Variants in ECT2 observed in about 807,000 individuals in gnomAD.
ECT2 encodes the protein epithelial cell transforming 2.
In ECT2, 61 loss-of-function variants were observed where a neutral mutation model predicts 116.9. That is an observed-to-expected ratio of 0.52 (90% CI 0.42 to 0.65). The LOEUF is 0.65. Among genes scored for constraint, ECT2 ranks in the 30% least tolerant of loss-of-function variants. The pLI, the probability that ECT2 is intolerant of heterozygous loss-of-function variation, is 0.00. For missense variants in ECT2, 937 were observed against 1,078.7 expected, an observed-to-expected ratio of 0.87 and a Z score of 1.84; for synonymous variants, 358 against 346.4, an observed-to-expected ratio of 1.03 and a Z score of -0.37.
chr3:172,773,293 T>G (rs1720995454), intron 13 of ECT2, among the ~76,000 whole-genome samples: 1 of 152,174 alleles, frequency 6.6e-6, no homozygotes, highest in African/African-American at 2.4e-5. Flanking sequence ...TTACATTATA[T>G]TTTCCATTTG....
At position 172,818,848 on chromosome 3, in the gene ECT2, C is replaced by CG. The variant is rs990063317; in HGVS notation, c.2656-1297dup. 6.7e-4 allele frequency: 733 copies of CG among 1,098,062 alleles called. 1 individual carries two copies. The highest frequency in any genetic ancestry group is 7.8e-4 in the Non-Finnish European group (700 of 892,068). The allele number at this position is 1,098,062 out of a possible 1,614,324, so 68.0% of individuals were successfully genotyped here. A position where few individuals can be genotyped will look rare whatever the true frequency, so the allele number is the denominator to read the frequency against. ...ATTAGCTATTTAAAATTTGTATTTG[C>CG]GGGAAAAAAAAAAGGAACATATTTT... is the stretch of plus-strand genomic sequence containing the variant. On this transcript the variant is annotated intron_variant, in intron 24 of 24. Coordinates refer to ENST00000392692, the MANE Select transcript of ECT2 (RefSeq NM_001258315.2).
At chr3:172,783,078 G>A (rs1723004863) in intron 15 of ECT2, among the ~76,000 whole-genome samples, 1 of 151,992 alleles carries the variant, frequency 6.6e-6, no homozygotes, top group African/African-American at 2.4e-5. Context: ...TCTATTTAAA[G>A]GCTTCTAATG....
intron 18 of ECT2, among the ~76,000 whole-genome samples, chr3:172,790,568 A>G (rs908875820): frequency 6.6e-6 from 1 of 152,200 alleles, no homozygotes; most frequent in Non-Finnish European, 1.5e-5. Context: ...GACATCATCC[A>G]GTATGTTTTC....
At chr3:172,774,930 G>C (rs912128041) in intron 14 of ECT2, among the ~76,000 whole-genome samples, 3 of 152,096 alleles carry the variant, frequency 2.0e-5, no homozygotes, top group Non-Finnish European at 4.4e-5. Context: ...TTTTGCTCTT[G>C]GGGTGTATAT....
chr3:172,790,152 C>G (rs1724393464), intron 18 of ECT2, among the ~76,000 whole-genome samples: 1 of 152,230 alleles, frequency 6.6e-6, no homozygotes, highest in Admixed American at 6.5e-5. Flanking sequence ...CCTCCAACCT[C>G]TCATGCTCAG....
intron 22 of ECT2, among the ~76,000 whole-genome samples, chr3:172,810,370 G>A (rs75332470): frequency 0.01 from 1,589 of 152,200 alleles, 9 homozygotes; most frequent in Non-Finnish European, 0.016. Context: ...TTCATTCTGA[G>A]TTTTTAAACT....
intron 18 of ECT2, among the ~76,000 whole-genome samples, chr3:172,789,163 C>G (rs112671416): frequency 0.01 from 1,539 of 149,722 alleles, 33 homozygotes; most frequent in African/African-American, 0.035. Flanking sequence ...TTACCAGGGT[C>G]GTGGTTGCTG....
rs141588467 is a variant in ECT2, at chr3:172,779,679, G to A, written c.1549-2484G>A. Among the ~76,000 whole-genome samples the A allele has an allele frequency of 1.5e-3, 233 of 152,294 alleles. 1 individual carries two copies. Among genetic ancestry groups the A allele is most frequent in the South Asian group, 3.1e-3 (15 of 4,832 alleles). On this transcript the variant is annotated intron_variant, in intron 14 of 24. Coordinates refer to ENST00000392692, the MANE Select transcript of ECT2 (RefSeq NM_001258315.2). ...CCAGCACTTTGGAAGGCTGAGGCAG[G>A]AATATCGCTTGAATCTAGGAGTTTG...
intron 20 of ECT2, among the ~76,000 whole-genome samples, chr3:172,804,233 C>T (rs926286222): frequency 1.5e-4 from 23 of 152,136 alleles, no homozygotes; most frequent in Non-Finnish European, 5.9e-5. Context: ...TCTTAAAGAG[C>T]GGTTCATGTG....
At chr3:172,764,189 C>T in intron 11 of ECT2, 89 bp from the exon 12 acceptor site, 2 of 1,155,562 alleles carry the variant, frequency 1.7e-6, no homozygotes, top group Non-Finnish European at 2.5e-6. Context: ...AATCCAGATT[C>T]TGTCAGACTT....
intron 1 of ECT2, chr3:172,752,543 T>C (rs1402075828): frequency 6.6e-6 from 1 of 152,114 alleles, no homozygotes; most frequent in Non-Finnish European, 1.5e-5. Flanking sequence ...AAAGCCACTT[T>C]AATGCCTTTT....
intron 7 of ECT2, among the ~76,000 whole-genome samples, chr3:172,760,520 G>T (rs1346578647): frequency 6.6e-6 from 1 of 151,604 alleles, no homozygotes; most frequent in Non-Finnish European, 1.5e-5. Context: ...GGGCTTAAGT[G>T]ATCCTCCTGC....
rs142726045 is a variant in ECT2 at position 172,769,135 on chromosome 3, A to G, written c.1420A>G (p.Ile474Val). Residue 474 changes from isoleucine to valine, a missense_variant, in exon 13 of 25, where the codon ATT becomes GTT. Coordinates refer to ENST00000392692, the MANE Select transcript of ECT2 (RefSeq NM_001258315.2). ...TAATTATGTTAATATATTGGCAACA[A>G]TTATTCAGGTAAGTATGAGTTTGAT... ...ESNYVNILAT[I>V]IQLFQVPLEE... 19 of 1,611,384 alleles carry G rather than the reference A, an allele frequency of 1.2e-5. No individual in the cohort carries two copies. The African/African-American group carries it at 2.3e-4, about 19-fold the overall frequency.
At chr3:172,776,873 G>GTT (rs34685201) in intron 14 of ECT2, among the ~76,000 whole-genome samples, 47 of 144,004 alleles carry the variant, frequency 3.3e-4, no homozygotes, top group Non-Finnish European at 4.6e-4. Context: ...AAACGGGTTT[G>GTT]TTTTTTTTTT....
At position 172,758,264 on chromosome 3, in the gene ECT2, A is replaced by G. The variant is rs1336652930; in HGVS notation, c.487-716A>G. ...TCTTAAGCTTGCCTTGTTTACTTAA[A>G]ATTGCTTAGGTCTTTGTACTTCTAT... On this transcript the variant is annotated intron_variant, in intron 5 of 24. Coordinates refer to ENST00000392692, the MANE Select transcript of ECT2 (RefSeq NM_001258315.2). Among the ~76,000 whole-genome samples, 4 of 152,224 alleles carry G rather than the reference A, an allele frequency of 2.6e-5. No homozygotes were observed. In the East Asian group the frequency reaches 7.7e-4, roughly 29 times the overall value.
intron 18 of ECT2, among the ~76,000 whole-genome samples, chr3:172,791,795 T>C (rs1366771830): frequency 6.6e-6 from 1 of 152,222 alleles, no homozygotes; most frequent in Non-Finnish European, 1.5e-5. Context: ...AGTAACACTT[T>C]TCATTTTTCT....
At chr3:172,789,127 G>T (rs868493811) in intron 18 of ECT2, among the ~76,000 whole-genome samples, 1 of 151,878 alleles carries the variant, frequency 6.6e-6, no homozygotes, top group African/African-American at 2.4e-5. Context: ...GCTAGTGGGG[G>T]ATCTTGCCTT....
chr3:172,763,055 C>A, intron 11 of ECT2, 83 bp downstream of exon 11: 1 of 1,405,846 alleles, frequency 7.1e-7, no homozygotes, highest in Non-Finnish European at 9.9e-7. Flanking sequence ...GGTTTAGAAG[C>A]ATGTTTAGGA....
In ECT2 at chr3:172,769,146, A is replaced by G; in HGVS notation, c.1428+3A>G. The G allele has an allele frequency of 1.2e-6, 2 of 1,608,300 alleles. No individual in the cohort carries two copies. Among genetic ancestry groups the G allele is most frequent in the Non-Finnish European group, 1.7e-6 (2 of 1,176,520 alleles). The stretch of plus-strand genomic sequence containing the variant: ...ATATATTGGCAACAATTATTCAGGT[A>G]AGTATGAGTTTGATTGAAAAATGAT... On this transcript the variant is annotated splice_donor_region_variant and intron_variant, in intron 13 of 24. Transcript: ENST00000392692.
Sources: allele counts gnomAD v4.1 joint callset (sites outside exome capture counted in the v4.1 genomes callset), GRCh38; gene constraint gnomAD v4.1.1; transcripts MANE v1.5; gene names NCBI Gene and HGNC (gene_info 2026-07-23, HGNC 2026-07-21).